Variants in HBS1L observed in about 807,000 individuals in gnomAD.
The protein encoded by HBS1L is HBS1-like protein.
HBS1L carries 55 observed loss-of-function variants against 88.9 expected under a neutral mutation model. That is an observed-to-expected ratio of 0.62 (90% CI 0.50 to 0.77). The LOEUF is 0.77. HBS1L is among the 30% of genes least tolerant of loss of function. The pLI, the probability that HBS1L is intolerant of heterozygous loss-of-function variation, is 0.00. For synonymous variants in HBS1L, 267 were observed against 288.5 expected (o/e 0.93, Z 0.76); for missense variants, 741 against 829.3 (o/e 0.89, Z 1.31).
Position 134,961,086 on chromosome 6 carries a change from TTTGC to T in HBS1L, c.*4189_*4192del, listed in dbSNP as rs1774175928. 8.3e-6 allele frequency: 1 copy of T among 120,902 alleles called. No homozygotes were observed. The allele number at this position is 120,902 out of a possible 1,614,324, so 7.5% of individuals were successfully genotyped here. A position where few individuals can be genotyped will look rare whatever the true frequency, so the allele number is the denominator to read the frequency against. ...TCTTTTGCTGTACAGACTTAGTTTC[TTTGC>T]TTTTTTTTTTTTTTTTTTTGCATTG... On this transcript the variant is annotated 3_prime_UTR_variant, in exon 18 of 18. Coordinates refer to ENST00000367837, the MANE Select transcript of HBS1L (RefSeq NM_006620.4).
At chr6:135,002,161 A>G (rs1775480069) in intron 5 of HBS1L, among the ~76,000 whole-genome samples, 1 of 152,090 alleles carries the variant, frequency 6.6e-6, no homozygotes, top group South Asian at 2.1e-4. Context: ...GAAGGATTCT[A>G]GAGACTTTGA....
At chr6:135,040,646 A>T (rs1007012757) in intron 3 of HBS1L, among the ~76,000 whole-genome samples, 6 of 152,040 alleles carry the variant, frequency 3.9e-5, no homozygotes, top group African/African-American at 1.4e-4. Context: ...CACCGTGCCC[A>T]GCCGGCATTC....
intron 2 of HBS1L, among the ~76,000 whole-genome samples, chr6:135,047,055 G>A (rs1027082120): frequency 5.3e-5 from 8 of 152,132 alleles, no homozygotes; most frequent in African/African-American, 1.7e-4. Context: ...AGATCAGTTG[G>A]CTTCTTGGTG....
intron 4 of HBS1L, among the ~76,000 whole-genome samples, chr6:135,010,323 A>G (rs1049133211): frequency 6.6e-6 from 1 of 152,224 alleles, no homozygotes; most frequent in Non-Finnish European, 1.5e-5. Flanking sequence ...GATATAATAC[A>G]TATCATATAC....
Position 134,963,627 on chromosome 6 carries a change from GCCTTAGCTGGTC to G in HBS1L, c.*1640_*1651del, listed in dbSNP as rs1774234997. On this transcript the variant is annotated 3_prime_UTR_variant, in exon 18 of 18. Coordinates refer to ENST00000367837, the MANE Select transcript of HBS1L (RefSeq NM_006620.4). ...TGTAGAGACATGGTCTCACTATATT[GCCTTAGCTGGTC>G]TCAAACTCCTGGGCTCACGCTATCC... is the stretch of plus-strand genomic sequence containing the variant. 6.6e-6 allele frequency: 1 copy of G among 152,180 alleles called. No homozygotes were observed. Among genetic ancestry groups the G allele is most frequent in the African/African-American group, 2.4e-5 (1 of 41,404 alleles). 9.4% of individuals were successfully genotyped at this position (152,180 alleles called of 1,614,324 possible).
At chr6:135,025,311 T>G (rs2114866099) in intron 4 of HBS1L, among the ~76,000 whole-genome samples, 1 of 152,342 alleles carries the variant, frequency 6.6e-6, no homozygotes, top group Admixed American at 6.5e-5. Flanking sequence ...GGACTCCAGA[T>G]TCTGTCCAGA....
intron 14 of HBS1L, 116 bp from the exon 15 acceptor site, chr6:134,978,903 T>C (rs1774732792): frequency 3.1e-6 from 2 of 654,302 alleles, no homozygotes; most frequent in Admixed American, 5.9e-5. Context: ...TAGGGACTTT[T>C]TCTAAATATT....
In HBS1L at chr6:135,000,222, A is replaced by ATTT. The variant is rs33946758; in HGVS notation, c.539+2509_539+2511dup. Among the ~76,000 whole-genome samples the ATTT allele has an allele frequency of 9.3e-4, 120 of 129,412 alleles. 9 individuals carry two copies. The highest frequency in any genetic ancestry group is 7.6e-3 in the Middle Eastern group (2 of 262). 84.9% of individuals were successfully genotyped at this position (129,412 alleles called of 152,430 possible). On this transcript the variant is annotated intron_variant, in intron 5 of 17. Coordinates refer to ENST00000367837, the MANE Select transcript of HBS1L (RefSeq NM_006620.4). Reference sequence around the variant, plus strand: ...AGGCAAGCACCACTATACCCAGCTAATTTTTTTTTTTTTTTGGTAGAGATG... The same window carrying ATTT: ...AGGCAAGCACCACTATACCCAGCTAATTTTTTTTTTTTTTTTTTGGTAGAGATG...
In HBS1L at chr6:135,018,200, AC is replaced by A. The variant is rs1017076783; in HGVS notation, c.431-15359del. 4.6e-5 allele frequency among the ~76,000 whole-genome samples: 7 copies of A among 152,080 alleles called. 1 individual carries two copies. Among genetic ancestry groups the A allele is most frequent in the East Asian group, 3.8e-4 (2 of 5,208 alleles). On this transcript the variant is annotated intron_variant, in intron 4 of 17. Transcript: ENST00000367837. ...AAATCATTTCACTGAATCTGACTAAACATTTAAATTCTAGTTACCAGATGTA... is the reference window on the plus strand; with the variant it reads ...AAATCATTTCACTGAATCTGACTAAAATTTAAATTCTAGTTACCAGATGTA...
At chr6:135,022,187 G>A (rs1443980877) in intron 4 of HBS1L, among the ~76,000 whole-genome samples, 1 of 151,836 alleles carries the variant, frequency 6.6e-6, no homozygotes, top group Non-Finnish European at 1.5e-5. Flanking sequence ...TCTATTCTTT[G>A]GCTAAAGTAC....
intron 4 of HBS1L, among the ~76,000 whole-genome samples, chr6:135,024,453 A>C (rs1358651430): frequency 6.7e-6 from 1 of 149,994 alleles, no homozygotes. Flanking sequence ...AAAAAAAAAA[A>C]AAAAAAAAAC....
At chr6:135,028,573 A>G (rs1159102804) in intron 4 of HBS1L, among the ~76,000 whole-genome samples, 1 of 152,182 alleles carries the variant, frequency 6.6e-6, no homozygotes, top group East Asian at 1.9e-4. Flanking sequence ...AACCATCACA[A>G]GAAAAACCAA....
intron 4 of HBS1L, among the ~76,000 whole-genome samples, chr6:135,015,168 C>T (rs1036941098): frequency 3.9e-5 from 6 of 152,016 alleles, no homozygotes; most frequent in South Asian, 2.1e-4. Flanking sequence ...GATTGCTTAT[C>T]GAAAATGAAG....
At chr6:134,970,390 C>T (rs1209489843) in intron 15 of HBS1L, among the ~76,000 whole-genome samples, 1 of 152,150 alleles carries the variant, frequency 6.6e-6, no homozygotes, top group Non-Finnish European at 1.5e-5. Context: ...GCCTCGGCAT[C>T]CCAAAGTGCT....
At chr6:135,002,932 A>T (rs1193764580) in intron 4 of HBS1L, 90 bp from the exon 5 acceptor site, 12 of 751,324 alleles carry the variant, frequency 1.6e-5, no homozygotes. Flanking sequence ...ATAGATTATG[A>T]TAACTTTCAC....
At chr6:135,029,277 C>T (rs182819102) in intron 4 of HBS1L, among the ~76,000 whole-genome samples, 7 of 152,100 alleles carry the variant, frequency 4.6e-5, no homozygotes, top group Admixed American at 4.6e-4. Context: ...ACCTGACACA[C>T]TAGAAATCAG....
At chr6:134,968,753 A>G in intron 16 of HBS1L, among the ~76,000 whole-genome samples, 1 of 78,728 alleles carries the variant, frequency 1.3e-5, no homozygotes, top group South Asian at 5.5e-4. Context: ...GACTTTGAGC[A>G]AAAAAAAAAA....
intron 8 of HBS1L, among the ~76,000 whole-genome samples, chr6:134,988,977 G>A (rs1304247498): frequency 6.6e-6 from 1 of 152,120 alleles, no homozygotes; most frequent in Non-Finnish European, 1.5e-5. Context: ...TCTAACCTGT[G>A]TGGACCATCT....
At chr6:134,992,955 C>T (rs1775186144) in intron 8 of HBS1L, among the ~76,000 whole-genome samples, 1 of 152,092 alleles carries the variant, frequency 6.6e-6, no homozygotes, top group African/African-American at 2.4e-5. Context: ...ACAGGTGTAC[C>T]ATTTTTTATC....
Sources: gnomAD v4.1 joint callset for allele counts (sites outside exome capture counted in the v4.1 genomes callset) on GRCh38, gnomAD v4.1.1 for gene constraint, MANE v1.5 for transcripts, NCBI Gene and HGNC (gene_info 2026-07-23, HGNC 2026-07-21) for gene names.